The following SLC4A10 variants were observed in gnomAD, a reference collection of about 807,000 sequenced individuals.
SLC4A10 encodes solute carrier family 4 member 10, also known as sodium-driven chloride bicarbonate exchanger.
Under a neutral mutation model 137.7 loss-of-function variants are expected in SLC4A10, and 42 were observed. That is an observed-to-expected ratio of 0.30 (90% CI 0.24 to 0.39). The LOEUF (loss-of-function observed/expected upper bound fraction) is 0.39, where lower values mean the gene tolerates loss of function less well. SLC4A10 is among the 10% of genes least tolerant of loss of function. The pLI is 1.00. For missense variants in SLC4A10, 925 were observed against 1,355.0 expected, an observed-to-expected ratio of 0.68 and a Z score of 4.98; for synonymous variants, 474 against 464.1, an observed-to-expected ratio of 1.02 and a Z score of -0.27.
intron 10 of SLC4A10, among the ~76,000 whole-genome samples, chr2:161,894,398 T>A (rs2063231574): frequency 6.6e-6 from 1 of 152,090 alleles, no homozygotes; most frequent in East Asian, 1.9e-4. Context: ...TTTTGCCTAA[T>A]TCTAGTTTAA....
intron 1 of SLC4A10, among the ~76,000 whole-genome samples, chr2:161,737,072 T>G (rs1551053): frequency 0.016 from 2,502 of 152,060 alleles, 39 homozygotes; most frequent in Middle Eastern, 0.095. Flanking sequence ...TTACCCAGGT[T>G]GGTCTTAAAC....
intron 1 of SLC4A10, among the ~76,000 whole-genome samples, chr2:161,685,036 T>C (rs1387852377): frequency 6.6e-6 from 1 of 152,192 alleles, no homozygotes; most frequent in Non-Finnish European, 1.5e-5. Context: ...AAAGCCAGAC[T>C]GCCTAACAGT....
intron 11 of SLC4A10, among the ~76,000 whole-genome samples, chr2:161,896,199 G>T (rs1490979477): frequency 1.3e-5 from 2 of 151,886 alleles, no homozygotes; most frequent in African/African-American, 2.4e-5. Flanking sequence ...GTTTTTGTCA[G>T]GTTTGTCAAA....
chr2:161,725,724 C>G (rs1023472493), intron 1 of SLC4A10, among the ~76,000 whole-genome samples: 2 of 152,134 alleles, frequency 1.3e-5, no homozygotes, highest in Admixed American at 1.3e-4. Flanking sequence ...GATTTATAAC[C>G]TTTGAAATCA....
chr2:161,770,413 G>T (rs1344900874), intron 1 of SLC4A10, among the ~76,000 whole-genome samples: 1 of 151,828 alleles, frequency 6.6e-6, no homozygotes, highest in East Asian at 1.9e-4. Flanking sequence ...TAATGCACAT[G>T]ATCATAATTT....
At chr2:161,906,498 C>G (rs1415225821) in intron 15 of SLC4A10, among the ~76,000 whole-genome samples, 9 of 152,112 alleles carry the variant, frequency 5.9e-5, no homozygotes, top group Non-Finnish European at 1.2e-4. Flanking sequence ...TTTGGTGTAT[C>G]AACAGTCTGA....
intron 15 of SLC4A10, chr2:161,931,597 A>G (rs1373118196): frequency 9.2e-5 from 14 of 152,208 alleles, no homozygotes; most frequent in Admixed American, 9.2e-4. Flanking sequence ...TTCCTCCAGG[A>G]TGCATCAGAG....
chr2:161,858,670 A>G (rs1315553884), intron 5 of SLC4A10, among the ~76,000 whole-genome samples: 1 of 152,148 alleles, frequency 6.6e-6, no homozygotes, highest in African/African-American at 2.4e-5. Flanking sequence ...ATCTCTTTGA[A>G]ATTAAGCATT....
intron 1 of SLC4A10, among the ~76,000 whole-genome samples, chr2:161,731,813 T>C (rs1157190085): frequency 1.3e-5 from 2 of 152,192 alleles, no homozygotes; most frequent in African/African-American, 4.8e-5. Flanking sequence ...TTACTCTTTC[T>C]GGGCTGTTTT....
chr2:161,855,228 T>A, intron 5 of SLC4A10, 98 bp downstream of exon 5: 3 of 1,135,490 alleles, frequency 2.6e-6, no homozygotes, highest in Non-Finnish European at 2.5e-6. Flanking sequence ...TTTGGAAAAC[T>A]AATTCTCATA....
chr2:161,833,692 T>C (rs1006506571), intron 3 of SLC4A10, among the ~76,000 whole-genome samples: 2 of 152,222 alleles, frequency 1.3e-5, no homozygotes, highest in African/African-American at 4.8e-5. Flanking sequence ...ATGTTATGTA[T>C]TCAGATTTCT....
intron 1 of SLC4A10, among the ~76,000 whole-genome samples, chr2:161,705,229 T>A (rs1431082540): frequency 6.6e-6 from 1 of 151,546 alleles, no homozygotes; most frequent in Admixed American, 6.6e-5. Flanking sequence ...GTGACTTATA[T>A]TGGGGAAAAC....
chr2:161,835,197 C>T (rs949398652), intron 3 of SLC4A10, among the ~76,000 whole-genome samples: 2 of 151,954 alleles, frequency 1.3e-5, no homozygotes, highest in Non-Finnish European at 2.9e-5. Context: ...GCCACCATGC[C>T]CAGCTAATTT....
intron 15 of SLC4A10, among the ~76,000 whole-genome samples, chr2:161,916,153 T>A (rs1264086055): frequency 1.3e-5 from 2 of 152,176 alleles, no homozygotes; most frequent in African/African-American, 4.8e-5. Context: ...GTCTGTGGTA[T>A]CTTGTTGTGG....
intron 1 of SLC4A10, among the ~76,000 whole-genome samples, chr2:161,677,783 AG>A: frequency 6.6e-6 from 1 of 152,350 alleles, no homozygotes; most frequent in East Asian, 1.9e-4. Flanking sequence ...ATTAAGTGGC[AG>A]CAAGATTTGG....
chr2:161,671,432 T>C (rs1475805859), intron 1 of SLC4A10, among the ~76,000 whole-genome samples: 3 of 152,178 alleles, frequency 2.0e-5, no homozygotes, highest in African/African-American at 7.2e-5. Context: ...ACGGAGACAA[T>C]CAGTTGATGT....
intron 23 of SLC4A10, among the ~76,000 whole-genome samples, chr2:161,971,096 CT>C (rs1045242186): frequency 2.6e-5 from 4 of 152,204 alleles, no homozygotes; most frequent in African/African-American, 9.7e-5. Context: ...TTATAGCTTT[CT>C]TTTCATTATT....
At chr2:161,816,492 AT>A (rs934329485) in intron 3 of SLC4A10, among the ~76,000 whole-genome samples, 9 of 149,718 alleles carry the variant, frequency 6.0e-5, no homozygotes, top group African/African-American at 2.2e-4. Context: ...TTTTTTTATT[AT>A]TATACTTTAA....
intron 5 of SLC4A10, among the ~76,000 whole-genome samples, chr2:161,857,124 T>C (rs2060151014): frequency 6.6e-6 from 1 of 152,214 alleles, no homozygotes; most frequent in South Asian, 2.1e-4. Context: ...TTTATCACTT[T>C]AGTTCACTTT....
Sources: allele counts gnomAD v4.1 joint callset (sites outside exome capture counted in the v4.1 genomes callset), GRCh38; gene constraint gnomAD v4.1.1; transcripts MANE v1.5; gene names NCBI Gene and HGNC (gene_info 2026-07-23, HGNC 2026-07-21).